CADM2: variants seen among roughly 807,000 people sequenced by gnomAD.
CADM2 encodes immunoglobulin superfamily member 4D.
CADM2 carries 12 observed loss-of-function variants against 49.8 expected under a neutral mutation model. The observed-to-expected ratio is 0.24, with a 90% confidence interval of 0.15 to 0.39. The LOEUF is 0.39. CADM2 is among the 10% of genes least tolerant of loss of function. The pLI is 1.00. For synonymous variants in CADM2, 214 were observed against 175.4 expected (o/e 1.22, Z -1.74); for missense variants, 378 against 492.3 (o/e 0.77, Z 2.20).
At chr3:85,092,749 G>T (rs1575845859) in intron 1 of CADM2, among the ~76,000 whole-genome samples, 1 of 151,544 alleles carries the variant, frequency 6.6e-6, no homozygotes, top group South Asian at 2.1e-4. Context: ...TTCCACCACC[G>T]CCACCACCTC....
intron 1 of CADM2, among the ~76,000 whole-genome samples, chr3:85,035,082 T>C (rs2035157112): frequency 6.6e-6 from 1 of 152,176 alleles, no homozygotes; most frequent in South Asian, 2.1e-4. Flanking sequence ...ATTACAGGCA[T>C]GAGCCACCAT....
intron 1 of CADM2, among the ~76,000 whole-genome samples, chr3:85,482,275 A>G (rs989346216): frequency 1.3e-5 from 2 of 151,772 alleles, no homozygotes; most frequent in East Asian, 1.9e-4. Context: ...GAAATCAACT[A>G]AAGTTTCAAG....
intron 1 of CADM2, among the ~76,000 whole-genome samples, chr3:84,966,040 C>A (rs2030957630): frequency 6.6e-6 from 1 of 152,028 alleles, no homozygotes; most frequent in African/African-American, 2.4e-5. Context: ...TTCCATTTGC[C>A]ACAGAACAAA....
intron 1 of CADM2, among the ~76,000 whole-genome samples, chr3:85,541,321 T>C (rs2107036579): frequency 6.6e-6 from 1 of 151,736 alleles, no homozygotes; most frequent in African/African-American, 2.4e-5. Context: ...CACAAACACA[T>C]ATGCATGTAT....
At chr3:85,591,762 G>T (rs985422504) in intron 1 of CADM2, among the ~76,000 whole-genome samples, 1 of 152,008 alleles carries the variant, frequency 6.6e-6, no homozygotes, top group Non-Finnish European at 1.5e-5. Context: ...CCATCTGCAT[G>T]GGAGTGAGTC....
chr3:85,532,493 T>C (rs1233428577), intron 1 of CADM2, among the ~76,000 whole-genome samples: 2 of 152,126 alleles, frequency 1.3e-5, no homozygotes, highest in African/African-American at 4.8e-5. Flanking sequence ...TGAGCTACAG[T>C]CCTTTACTAG....
chr3:85,593,432 C>G (rs948691845), intron 1 of CADM2, among the ~76,000 whole-genome samples: 2 of 151,904 alleles, frequency 1.3e-5, no homozygotes, highest in African/African-American at 4.8e-5. Flanking sequence ...CAGAGTGTAT[C>G]AGATTATTAT....
intron 1 of CADM2, among the ~76,000 whole-genome samples, chr3:85,643,633 G>A (rs1047360930): frequency 3.9e-5 from 6 of 152,078 alleles, no homozygotes; most frequent in African/African-American, 1.4e-4. Flanking sequence ...TGAAGCAGGA[G>A]GGGAGCCCAA....
At chr3:85,457,269 C>A (rs2038035678) in intron 1 of CADM2, among the ~76,000 whole-genome samples, 2 of 151,824 alleles carry the variant, frequency 1.3e-5, no homozygotes, top group African/African-American at 4.8e-5. Context: ...AAAATTTAGC[C>A]AGGTGTGGTG....
At chr3:84,976,549 T>C (rs1364774218) in intron 1 of CADM2, among the ~76,000 whole-genome samples, 10 of 151,826 alleles carry the variant, frequency 6.6e-5, no homozygotes, top group Admixed American at 6.6e-4. Context: ...AAACCACTTA[T>C]ATTTGGTGAT....
chr3:85,632,138 C>A (rs1043131559), intron 1 of CADM2, among the ~76,000 whole-genome samples: 1 of 151,944 alleles, frequency 6.6e-6, no homozygotes, highest in Non-Finnish European at 1.5e-5. Context: ...ATCACAGGGG[C>A]GGGTCTTTCC....
chr3:85,596,533 C>T (rs913985636), intron 1 of CADM2, among the ~76,000 whole-genome samples: 1 of 152,030 alleles, frequency 6.6e-6, no homozygotes, highest in African/African-American at 2.4e-5. Flanking sequence ...TGAGTATGGA[C>T]ATAAGCATTC....
chr3:85,771,548 CTTACATA>C (rs1387642337), intron 2 of CADM2, among the ~76,000 whole-genome samples: 2 of 151,954 alleles, frequency 1.3e-5, no homozygotes, highest in Non-Finnish European at 2.9e-5. Context: ...TGAATCTAGA[CTTACATA>C]TTACATGCTT....
At chr3:85,419,432 T>G (rs2036068431) in intron 1 of CADM2, among the ~76,000 whole-genome samples, 1 of 149,008 alleles carries the variant, frequency 6.7e-6, no homozygotes, top group East Asian at 2.0e-4. Flanking sequence ...CACTCCAGCC[T>G]GGGCGACAGA....
intron 1 of CADM2, among the ~76,000 whole-genome samples, chr3:85,055,550 A>G (rs2036049190): frequency 6.6e-6 from 1 of 152,002 alleles, no homozygotes; most frequent in Admixed American, 6.6e-5. Flanking sequence ...TACACATTTT[A>G]TATGCATATT....
chr3:85,752,090 A>G (rs1194659478), intron 2 of CADM2, among the ~76,000 whole-genome samples: 1 of 151,984 alleles, frequency 6.6e-6, no homozygotes, highest in African/African-American at 2.4e-5. Flanking sequence ...ACAGTGCACT[A>G]CCCCATGGTT....
At chr3:86,035,814 A>G (rs1019682546) in intron 8 of CADM2, among the ~76,000 whole-genome samples, 2 of 152,202 alleles carry the variant, frequency 1.3e-5, no homozygotes, top group East Asian at 3.9e-4. Flanking sequence ...AATATGATAT[A>G]CTGGTGGCTT....
chr3:85,427,624 A>T (rs2036474613), intron 1 of CADM2, among the ~76,000 whole-genome samples: 1 of 152,096 alleles, frequency 6.6e-6, no homozygotes, highest in Non-Finnish European at 1.5e-5. Flanking sequence ...CTTCAATTGT[A>T]ATGTAACAGC....
intron 1 of CADM2, among the ~76,000 whole-genome samples, chr3:85,270,723 C>T (rs545589125): frequency 6.6e-6 from 1 of 151,248 alleles, no homozygotes; most frequent in African/African-American, 2.4e-5. Context: ...TGTCCAAGGG[C>T]ATAAAAAAGC....
Sources: gnomAD v4.1 joint callset for allele counts (sites outside exome capture counted in the v4.1 genomes callset) on GRCh38, gnomAD v4.1.1 for gene constraint, MANE v1.5 for transcripts, NCBI Gene and HGNC (gene_info 2026-07-23, HGNC 2026-07-21) for gene names.